SH3GL2: variants seen among roughly 807,000 people sequenced by gnomAD.
SH3GL2 encodes SH3 domain containing GRB2 like 2, endophilin A1.
A neutral mutation model predicts 46.0 loss-of-function variants in SH3GL2; 24 were observed. The observed-to-expected ratio is 0.52, with a 90% CI of 0.38 to 0.73. The LOEUF (loss-of-function observed/expected upper bound fraction) is 0.73, where lower values mean the gene tolerates loss of function less well. Ranked by LOEUF, SH3GL2 falls within the 30% of genes least tolerant of loss-of-function variation. The pLI is 0.00. For missense variants in SH3GL2, 413 were observed against 424.2 expected, an observed-to-expected ratio of 0.97 and a Z score of 0.23; for synonymous variants, 196 against 147.1, an observed-to-expected ratio of 1.33 and a Z score of -2.40.
At chr9:17,702,920 C>G (rs1305677646) in intron 1 of SH3GL2, among the ~76,000 whole-genome samples, 1 of 152,080 alleles carries the variant, frequency 6.6e-6, no homozygotes, top group Non-Finnish European at 1.5e-5. Context: ...TTGCTGTCAG[C>G]TGGTTATGCC....
rs78496703 is a variant in SH3GL2, at chr9:17,581,765, C to G, written c.45+2478C>G. The stretch of plus-strand genomic sequence containing the variant: ...CCAGGCAGGAGTGCAATGGCGTGAT[C>G]TCAGCATACTGCAACCTCTGCCTCC... On this transcript the variant is annotated intron_variant, in intron 1 of 8. Transcript: ENST00000380607. Among the ~76,000 whole-genome samples the G allele has an allele frequency of 3.5e-3, 539 of 152,268 alleles. 7 individuals are homozygous for G. The highest frequency in any genetic ancestry group is 0.012 in the African/African-American group (511 of 41,536).
intron 2 of SH3GL2, among the ~76,000 whole-genome samples, chr9:17,758,630 G>T (rs922783642): frequency 1.4e-5 from 2 of 140,980 alleles, no homozygotes; most frequent in Non-Finnish European, 3.0e-5. Flanking sequence ...GAATGGATTT[G>T]CCAAAAGTGG....
intron 7 of SH3GL2, among the ~76,000 whole-genome samples, chr9:17,791,843 C>A (rs1353952743): frequency 6.6e-6 from 1 of 152,132 alleles, no homozygotes; most frequent in East Asian, 1.9e-4. Flanking sequence ...CTCTGAATGG[C>A]GGTCAAGTCC....
chr9:17,604,676 C>T (rs1818732069), intron 1 of SH3GL2, among the ~76,000 whole-genome samples: 1 of 152,124 alleles, frequency 6.6e-6, no homozygotes, highest in African/African-American at 2.4e-5. Context: ...TGACAGAGCA[C>T]TTGGTGAATG....
intron 1 of SH3GL2, among the ~76,000 whole-genome samples, chr9:17,710,179 A>C (rs143137801): frequency 3.3e-5 from 5 of 152,084 alleles, no homozygotes; most frequent in African/African-American, 1.2e-4. Context: ...ACAAGATCTC[A>C]TGGTTTAAAA....
chr9:17,579,353 C>T lies in SH3GL2; in HGVS notation c.45+66C>T, dbSNP rs1484609836. The T allele has an allele frequency of 4.2e-5, 50 of 1,187,410 alleles. 1 individual carries two copies. The East Asian group carries it at 1.4e-3, about 33-fold the overall frequency. 73.6% of individuals were successfully genotyped at this position (1,187,410 alleles called of 1,614,324 possible). On this transcript the variant is annotated intron_variant, in intron 1 of 8. Transcript: ENST00000380607. ...GAAGCTGCGAGGGGCGCGCTCGGCG[C>T]TGGCCGTCCGGCGGCAGCTTGGGGA...
At chr9:17,614,881 C>A (rs1334016271) in intron 1 of SH3GL2, among the ~76,000 whole-genome samples, 1 of 152,166 alleles carries the variant, frequency 6.6e-6, no homozygotes, top group Non-Finnish European at 1.5e-5. Context: ...GACAAAAATA[C>A]AAAATCCCTT....
intron 1 of SH3GL2, among the ~76,000 whole-genome samples, chr9:17,683,153 A>G (rs528581860): frequency 5.9e-5 from 9 of 152,218 alleles, no homozygotes; most frequent in African/African-American, 2.2e-4. Context: ...CTAGTAAGAA[A>G]AAGACTGAGT....
At chr9:17,763,622 T>C (rs1357466416) in intron 3 of SH3GL2, among the ~76,000 whole-genome samples, 1 of 152,220 alleles carries the variant, frequency 6.6e-6, no homozygotes, top group Non-Finnish European at 1.5e-5. Flanking sequence ...GATTTCAGAC[T>C]TCCGGTATGC....
At chr9:17,745,490 A>T (rs951757333) in intron 1 of SH3GL2, among the ~76,000 whole-genome samples, 1 of 152,080 alleles carries the variant, frequency 6.6e-6, no homozygotes, top group Non-Finnish European at 1.5e-5. Flanking sequence ...GGGTCAGTCC[A>T]TGTCATGCTC....
chr9:17,689,036 G>C (rs1403592727), intron 1 of SH3GL2, among the ~76,000 whole-genome samples: 1 of 152,060 alleles, frequency 6.6e-6, no homozygotes, highest in Non-Finnish European at 1.5e-5. Context: ...ACCCCAGCCA[G>C]GTGATCAAGG....
chr9:17,756,702 C>A (rs995214665), intron 2 of SH3GL2, among the ~76,000 whole-genome samples: 59 of 152,160 alleles, frequency 3.9e-4, no homozygotes, highest in African/African-American at 1.4e-3. Flanking sequence ...ATATGTGCCA[C>A]AGTTTCTTAA....
At chr9:17,790,476 T>C (rs1341698214) in intron 6 of SH3GL2, 4 of 951,616 alleles carry the variant, frequency 4.2e-6, no homozygotes, top group African/African-American at 1.8e-5. Context: ...TGTAGGTTTT[T>C]GTTTATGTAA....
chr9:17,697,704 C>T (rs1821243317), intron 1 of SH3GL2, among the ~76,000 whole-genome samples: 1 of 152,176 alleles, frequency 6.6e-6, no homozygotes, highest in Admixed American at 6.5e-5. Context: ...TCATTGCCCC[C>T]CGAATAGCCT....
chr9:17,795,102 A>C (rs1014566441), intron 8 of SH3GL2, among the ~76,000 whole-genome samples: 1 of 152,212 alleles, frequency 6.6e-6, no homozygotes, highest in African/African-American at 2.4e-5. Flanking sequence ...GTAATTCACC[A>C]TACTTTTTCA....
rs118181864 is a variant in SH3GL2 at position 17,733,184 on chromosome 9, T to C, written c.46-13882T>C. 2.6e-5 allele frequency among the ~76,000 whole-genome samples: 4 copies of C among 152,314 alleles called. No homozygotes were observed. In the East Asian group the frequency reaches 7.7e-4, roughly 29 times the overall value. ...CATGTCAGAAATATAATCCTTCATT[T>C]TGCCAAAGCAAAACGAAGTTAGACT... On this transcript the variant is annotated intron_variant, in intron 1 of 8. Transcript: ENST00000380607.
At position 17,772,952 on chromosome 9, in the gene SH3GL2, C is replaced by T. The variant is rs550882214; in HGVS notation, c.187+11443C>T. On this transcript the variant is annotated intron_variant, in intron 3 of 8. Coordinates refer to ENST00000380607, the MANE Select transcript of SH3GL2 (RefSeq NM_003026.5). ...CCACAGCATTTTACTTTCTCACCAA[C>T]AGTGCACAAGGGTTCGAGTTACTCT... is the stretch of plus-strand genomic sequence containing the variant. 5.9e-5 allele frequency among the ~76,000 whole-genome samples: 9 copies of T among 152,302 alleles called. No homozygotes were observed. The South Asian group carries it at 1.9e-3, about 32-fold the overall frequency.
intron 1 of SH3GL2, among the ~76,000 whole-genome samples, chr9:17,679,743 C>T (rs189602578): frequency 0.01 from 1,561 of 152,246 alleles, 17 homozygotes; most frequent in Middle Eastern, 0.024. Flanking sequence ...TTTGCCCATT[C>T]AGTATGATAT....
intron 2 of SH3GL2, among the ~76,000 whole-genome samples, chr9:17,748,773 T>G (rs1822762728): frequency 1.3e-5 from 2 of 152,056 alleles, no homozygotes; most frequent in African/African-American, 4.8e-5. Flanking sequence ...GGAGGAAAAC[T>G]AATGGAGCTA....
Sources: gnomAD v4.1 joint callset for allele counts (sites outside exome capture counted in the v4.1 genomes callset) on GRCh38, gnomAD v4.1.1 for gene constraint, MANE v1.5 for transcripts, NCBI Gene and HGNC (gene_info 2026-07-23, HGNC 2026-07-21) for gene names.